CAPN13: variants seen among roughly 807,000 people sequenced by gnomAD.
CAPN13 encodes the protein calpain-13.
Under a neutral mutation model 98.4 loss-of-function variants are expected in CAPN13, and 90 were observed. The ratio of observed to expected loss-of-function variants is 0.92; its 90% CI spans 0.77 to 1.09. The LOEUF (loss-of-function observed/expected upper bound fraction) is 1.09, where lower values mean the gene tolerates loss of function less well. CAPN13 is among the 50% of genes least tolerant of loss of function. The pLI, the probability that CAPN13 is intolerant of heterozygous loss-of-function variation, is 0.00. For missense variants in CAPN13, 887 were observed against 841.3 expected (o/e 1.05, Z -0.67); for synonymous variants, 330 against 305.5 (o/e 1.08, Z -0.84).
At chr2:30,778,517 C>T (rs1479067776) in intron 2 of CAPN13, among the ~76,000 whole-genome samples, 2 of 152,160 alleles carry the variant, frequency 1.3e-5, no homozygotes, top group East Asian at 1.9e-4. Flanking sequence ...GGTAATTGGT[C>T]CTTATATCAT....
chr2:30,752,881 T>A lies in CAPN13; in HGVS notation c.1087+172A>T, dbSNP rs192521256. 2.2e-4 allele frequency among the ~76,000 whole-genome samples: 34 copies of A among 152,264 alleles called. No homozygotes were observed. The East Asian group carries it at 6.4e-3, about 29-fold the overall frequency. ...TTCTCCAACTTGGCCCCTACAGCAA[T>A]CATTTTACTTAGAGGAGCAGTCGCT... On this transcript the variant is annotated intron_variant, in intron 10 of 22. Coordinates refer to ENST00000295055, the MANE Select transcript of CAPN13 (RefSeq NM_144575.3).
chr2:30,738,112 G>A, intron 17 of CAPN13, 123 bp downstream of exon 17: 1 of 981,008 alleles, frequency 1.0e-6, no homozygotes, highest in Non-Finnish European at 1.6e-6. Flanking sequence ...GAAACTCAAG[G>A]ACAGGGAAGA....
chr2:30,741,562 TG>T (rs1350308522), intron 15 of CAPN13: 37 of 1,076,274 alleles, frequency 3.4e-5, no homozygotes, highest in Non-Finnish European at 4.1e-5. Flanking sequence ...GCCAGGTTGG[TG>T]GGAGGTGGCC....
At chr2:30,779,379 G>A (rs1317167637) in intron 2 of CAPN13, among the ~76,000 whole-genome samples, 1 of 152,204 alleles carries the variant, frequency 6.6e-6, no homozygotes, top group African/African-American at 2.4e-5. Flanking sequence ...AAAATGTAAA[G>A]ACAGTTGAGA....
chr2:30,741,020 G>A (rs1170777604), intron 15 of CAPN13, among the ~76,000 whole-genome samples: 1 of 152,176 alleles, frequency 6.6e-6, no homozygotes, highest in Non-Finnish European at 1.5e-5. Flanking sequence ...CCCTGCCTTC[G>A]GGAGCTTACA....
chr2:30,738,643 T>C (rs1671499840), intron 15 of CAPN13, among the ~76,000 whole-genome samples, 186 bp from the exon 16 acceptor site: 1 of 152,206 alleles, frequency 6.6e-6, no homozygotes, highest in Non-Finnish European at 1.5e-5. Flanking sequence ...CCCCTGCACA[T>C]CTGTCGTGTT....
chr2:30,796,394 A>G (rs776902356), intron 1 of CAPN13, among the ~76,000 whole-genome samples: 7 of 152,020 alleles, frequency 4.6e-5, no homozygotes, highest in Non-Finnish European at 1.0e-4. Flanking sequence ...CAGTGTAGTA[A>G]ATAGATTTCG....
At chr2:30,762,975 A>G in intron 7 of CAPN13, 107 bp downstream of exon 7, 1 of 893,208 alleles carries the variant, frequency 1.1e-6, no homozygotes, top group Non-Finnish European at 1.7e-6. Flanking sequence ...ATATATCCTC[A>G]TTTCATCTTT....
At chr2:30,728,030 G>A (rs527791105) in intron 22 of CAPN13, among the ~76,000 whole-genome samples, 13 of 151,856 alleles carry the variant, frequency 8.6e-5, no homozygotes, top group Admixed American at 5.3e-4. Flanking sequence ...ACAGCATTAC[G>A]CTAAGTGAAA....
intron 8 of CAPN13, 119 bp from the exon 9 acceptor site, chr2:30,754,483 G>T: frequency 1.3e-6 from 1 of 756,612 alleles, no homozygotes. Flanking sequence ...CAGGGCAAGT[G>T]TCATCCTACC....
At chr2:30,740,170 C>T (rs147391716) in intron 15 of CAPN13, among the ~76,000 whole-genome samples, 1 of 146,750 alleles carries the variant, frequency 6.8e-6, no homozygotes, top group East Asian at 2.1e-4. Context: ...TCTTGGCTCA[C>T]TGCAACCTCT....
chr2:30,768,767 C>T (rs1673237417), intron 5 of CAPN13, among the ~76,000 whole-genome samples: 1 of 151,446 alleles, frequency 6.6e-6, no homozygotes, highest in Non-Finnish European at 1.5e-5. Flanking sequence ...GTGGAATGTG[C>T]ACCTTTTGTT....
intron 13 of CAPN13, among the ~76,000 whole-genome samples, chr2:30,742,677 G>C (rs141184005): frequency 6.6e-6 from 1 of 152,120 alleles, no homozygotes; most frequent in Non-Finnish European, 1.5e-5. Context: ...GTATGATGGC[G>C]GCCTGGCATG....
At chr2:30,776,444 C>T (rs1447916995) in intron 3 of CAPN13, among the ~76,000 whole-genome samples, 4 of 152,142 alleles carry the variant, frequency 2.6e-5, no homozygotes, top group Non-Finnish European at 5.9e-5. Flanking sequence ...AACTCCTGAC[C>T]TCAAGTGATC....
intron 7 of CAPN13, among the ~76,000 whole-genome samples, chr2:30,759,474 T>A (rs1672712625): frequency 6.6e-6 from 1 of 152,168 alleles, no homozygotes; most frequent in Admixed American, 6.5e-5. Context: ...GTGATATCAA[T>A]CTGTGCTAAT....
At chr2:30,797,657 T>C (rs1465556935) in intron 1 of CAPN13, among the ~76,000 whole-genome samples, 1 of 152,196 alleles carries the variant, frequency 6.6e-6, no homozygotes, top group Non-Finnish European at 1.5e-5. Flanking sequence ...GCCCAGTGAC[T>C]ACAACCCTGC....
At chr2:30,780,220 T>C (rs560329481) in intron 2 of CAPN13, among the ~76,000 whole-genome samples, 1 of 152,340 alleles carries the variant, frequency 6.6e-6, no homozygotes, top group South Asian at 2.1e-4. Context: ...TTTCAGAGAA[T>C]AGACAATTCC....
chr2:30,731,673 G>A (rs1159869708), intron 20 of CAPN13, among the ~76,000 whole-genome samples: 1 of 152,170 alleles, frequency 6.6e-6, no homozygotes, highest in East Asian at 1.9e-4. Flanking sequence ...CCCTGCCCCT[G>A]CATCCATCCA....
intron 9 of CAPN13, among the ~76,000 whole-genome samples, chr2:30,753,756 G>A (rs899930789): frequency 7.9e-5 from 12 of 152,006 alleles, no homozygotes; most frequent in East Asian, 7.7e-4. Flanking sequence ...GCATCACTCC[G>A]TAAACCAGAC....
Sources: gnomAD v4.1 joint callset for allele counts (sites outside exome capture counted in the v4.1 genomes callset) on GRCh38, gnomAD v4.1.1 for gene constraint, MANE v1.5 for transcripts, NCBI Gene and HGNC (gene_info 2026-07-23, HGNC 2026-07-21) for gene names.